LZTR1: variants seen among roughly 807,000 people sequenced by gnomAD.
The protein encoded by LZTR1 is leucine-zipper-like transcriptional regulator 1.
Under a neutral mutation model 105.7 loss-of-function variants are expected in LZTR1, and 260 were observed. The observed-to-expected ratio is 2.46, with a 90% CI of 2.22 to 2.72. LZTR1 has a LOEUF of 2.72. Ranked by LOEUF, LZTR1 falls within the 30% of genes most tolerant of loss-of-function variation. The pLI is 0.00. For synonymous variants in LZTR1, 490 were observed against 476.4 expected (o/e 1.03, Z -0.37); for missense variants, 1,214 against 1,166.9 (o/e 1.04, Z -0.59).
Position 20,988,836 on chromosome 22 carries a change from A to T in LZTR1, c.557A>T (p.Lys186Met), listed in dbSNP as rs140521929. The T allele has an allele frequency of 6.2e-7, 1 of 1,614,116 alleles. No homozygotes were observed. Among genetic ancestry groups the T allele is most frequent in the South Asian group, 1.1e-5 (1 of 91,088 alleles). ...CATGGGGCCACGGTGTACAGTGACA[A>T]GCTGTGGATCTTTGCTGGCTATGAC... ...SAHGATVYSD[K>M]LWIFAGYDGN... is the part of the protein sequence containing the mutation. The change falls in exon 6 of 21, where the codon AAG becomes ATG. Residue 186 changes from lysine (K) to methionine (M), a missense_variant. Coordinates refer to ENST00000646124, the MANE Select transcript of LZTR1 (RefSeq NM_006767.4).
In LZTR1 at chr22:20,992,250, T is replaced by TC. The variant is rs1441230589; in HGVS notation, c.1032dup (p.Glu345ArgfsTer9). 1 of 1,613,944 alleles carries TC rather than the reference T, an allele frequency of 6.2e-7. No individual in the cohort carries two copies. Among genetic ancestry groups the TC allele is most frequent in the Non-Finnish European group, 8.5e-7 (1 of 1,179,940 alleles). On this transcript the variant is annotated frameshift_variant, in exon 10 of 21. Transcript: ENST00000646124. LOFTEE classifies it high-confidence loss of function. ...TGAAGTGCCCGAGCGAGCCTGTGCT[T>TC]CCGAGGAGGTGCCCACCCTGACCTA... is the stretch of plus-strand genomic sequence containing the variant.
intron 1 of LZTR1, 103 bp downstream of exon 1, chr22:20,982,674 T>A: frequency 8.6e-7 from 1 of 1,165,408 alleles, no homozygotes; most frequent in Non-Finnish European, 1.2e-6. Flanking sequence ...TGGGGTAGGA[T>A]CTGGTAATGA....
At chr22:20,994,393 A>C in intron 14 of LZTR1, 124 bp downstream of exon 14, 2 of 1,274,742 alleles carry the variant, frequency 1.6e-6, no homozygotes, top group Non-Finnish European at 2.2e-6. Flanking sequence ...GCTGCAGGTC[A>C]CCCTCCTTAC....
At chr22:20,987,170 G>C in intron 3 of LZTR1, 1 of 205,384 alleles carries the variant, frequency 4.9e-6, no homozygotes, top group Non-Finnish European at 9.7e-6. Flanking sequence ...GAGGTGGGCG[G>C]ATCACCTGAG....
chr22:20,989,013 T>G, intron 6 of LZTR1, 141 bp downstream of exon 6: 1 of 709,922 alleles, frequency 1.4e-6, no homozygotes. Context: ...GGGGGTTTCT[T>G]GGGAGGGGGA....
At chr22:20,985,921 C>T (rs1317448747) in intron 3 of LZTR1, 24 bp downstream of exon 3, 1 of 1,611,892 alleles carries the variant, frequency 6.2e-7, no homozygotes. Context: ...TGCTCCAGGG[C>T]CCTGCCTTTC....
intron 16 of LZTR1, chr22:20,995,331 T>C (rs1924792356): frequency 1.6e-6 from 1 of 638,222 alleles, no homozygotes; most frequent in South Asian, 1.5e-5. Flanking sequence ...GTCACGGTGA[T>C]CAGTCTCTGG....
chr22:20,995,752 CTCT>C lies in LZTR1; in HGVS notation c.1950_1952del (p.Leu651del). The stretch of plus-strand genomic sequence containing the variant: ...GGGACCCTCCTACCCCCAGGCACAT[CTCT>C]GATCCAGGACATGAAGGCATACCTG... On this transcript the variant is annotated inframe_deletion, in exon 17 of 21. Coordinates refer to ENST00000646124, the MANE Select transcript of LZTR1 (RefSeq NM_006767.4). 6.2e-7 allele frequency: 1 copy of C among 1,613,608 alleles called. No homozygotes were observed. The highest frequency in any genetic ancestry group is 8.5e-7 in the Non-Finnish European group (1 of 1,180,008).
chr22:20,993,006 A>G, intron 11 of LZTR1, 102 bp downstream of exon 11: 1 of 786,524 alleles, frequency 1.3e-6, no homozygotes, highest in Non-Finnish European at 2.1e-6. Flanking sequence ...GGCCATTGCC[A>G]GGGCCACACC....
intron 2 of LZTR1, among the ~76,000 whole-genome samples, chr22:20,985,374 C>CT (rs919596752): frequency 1.3e-5 from 2 of 151,914 alleles, no homozygotes; most frequent in South Asian, 2.1e-4. Context: ...GTCTCTATTT[C>CT]TTTTTTTTAA....
intron 8 of LZTR1, 25 bp downstream of exon 8, chr22:20,990,550 GA>G (rs761595155): frequency 2.5e-6 from 4 of 1,587,882 alleles, no homozygotes; most frequent in Admixed American, 1.7e-5. Flanking sequence ...CAGTGGGGTG[GA>G]GGGAGGACGG....
chr22:20,988,676 G>T (rs1166870279), intron 5 of LZTR1, 113 bp from the exon 6 acceptor site: 3 of 740,126 alleles, frequency 4.1e-6, no homozygotes, highest in Non-Finnish European at 4.9e-6. Flanking sequence ...CCCAGTGTCG[G>T]GTGGATGTAG....
In LZTR1 at chr22:20,997,325, G is replaced by A. The variant is rs894106897; in HGVS notation, c.2500G>A (p.Ala834Thr). Residue 834 changes from alanine to threonine, a missense_variant, in exon 21 of 21, where the codon GCA becomes ACA. By Grantham distance (58) the Ala-to-Thr change is moderately conservative. Transcript: ENST00000646124. Reference sequence around the variant, plus strand: ...CTCCCACATCTCAGACAAGCAGTGCGCAGAGCTGGGCGCCGACATCTGAGG... The same window carrying A: ...CTCCCACATCTCAGACAAGCAGTGCACAGAGCTGGGCGCCGACATCTGAGG... ...LASHISDKQC[A>T]ELGADI is the part of the protein sequence containing the mutation. 1.2e-5 allele frequency: 19 copies of A among 1,613,306 alleles called. No individual in the cohort carries two copies. Among genetic ancestry groups the A allele is most frequent in the East Asian group, 2.2e-5 (1 of 44,878 alleles).
intron 1 of LZTR1, 52 bp from the exon 2 acceptor site, chr22:20,982,975 G>A: frequency 1.3e-6 from 2 of 1,523,574 alleles, no homozygotes; most frequent in South Asian, 1.1e-5. Flanking sequence ...CATTCCTTGG[G>A]TGCCCCCCAG....
chr22:20,996,602 G>C, intron 18 of LZTR1, 94 bp from the exon 19 acceptor site: 1 of 966,658 alleles, frequency 1.0e-6, no homozygotes, highest in South Asian at 1.4e-5. Context: ...GCTGGCGTGG[G>C]GGCTTGGGGC....
At chr22:20,991,366 A>G (rs1924598682) in intron 8 of LZTR1, 3 of 524,074 alleles carry the variant, frequency 5.7e-6, no homozygotes, top group Non-Finnish European at 1.0e-5. Flanking sequence ...CCTCCTGCCC[A>G]TCACTGCTGC....
rs1924536560 is a variant in LZTR1 at position 20,989,809 on chromosome 22, G to A, written c.651+127G>A. The A allele has an allele frequency of 8.7e-6, 9 of 1,029,858 alleles. 1 individual carries two copies. In the South Asian group the frequency reaches 1.3e-4, roughly 14 times the overall value. The allele number at this position is 1,029,858 out of a possible 1,614,324, so 63.8% of individuals were successfully genotyped here. ...GGTGGAGGGAGGTGGGAGGCAGGGG[G>A]AGCCAGGCTGGGGGTCGAGGCTGCT... On this transcript the variant is annotated intron_variant, in intron 7 of 20. Coordinates refer to ENST00000646124, the MANE Select transcript of LZTR1 (RefSeq NM_006767.4).
chr22:20,993,091 C>T (rs894339973), intron 11 of LZTR1, among the ~76,000 whole-genome samples, 187 bp downstream of exon 11: 2 of 152,232 alleles, frequency 1.3e-5, no homozygotes, highest in Non-Finnish European at 2.9e-5. Flanking sequence ...GGGCAGCCTT[C>T]GTGCAGTGGG....
rs144805359 is a variant in LZTR1 at position 20,995,795 on chromosome 22, G to A, written c.1992G>A (p.Ala664=). ...AGGCATACCTGGAGGGAGCGGGCGCGGAATTCTGTGACATCACTCTGTTGC... is the reference window on the plus strand; with the variant it reads ...AGGCATACCTGGAGGGAGCGGGCGCAGAATTCTGTGACATCACTCTGTTGC... ...DMKAYLEGAG[A]EFCDITLLLD... Residue 664 remains alanine, a synonymous_variant, in exon 17 of 21, where the codon GCG becomes GCA. Coordinates refer to ENST00000646124, the MANE Select transcript of LZTR1 (RefSeq NM_006767.4). 43 of 1,613,416 alleles carry A rather than the reference G, an allele frequency of 2.7e-5. No homozygotes were observed. The highest frequency in any genetic ancestry group is 2.0e-4 in the Admixed American group (12 of 59,992).
Sources: gnomAD v4.1 joint callset for allele counts (sites outside exome capture counted in the v4.1 genomes callset) on GRCh38, gnomAD v4.1.1 for gene constraint, MANE v1.5 for transcripts, NCBI Gene and HGNC (gene_info 2026-07-23, HGNC 2026-07-21) for gene names.